Variants in ASIP observed in about 807,000 individuals in gnomAD.
ASIP encodes the protein agouti-signaling protein.
ASIP carries 11 observed loss-of-function variants against 10.3 expected under a neutral mutation model. The ratio of observed to expected loss-of-function variants is 1.07; its 90% CI spans 0.68 to 1.78. The LOEUF (loss-of-function observed/expected upper bound fraction) is 1.78, where lower values mean the gene tolerates loss of function less well. ASIP is among the 40% of genes most tolerant of loss of function. The probability of loss-of-function intolerance (pLI) is 0.00; values close to 1 mark genes in which losing one functional copy is unlikely to be tolerated. For synonymous variants in ASIP, 70 were observed against 70.8 expected, an observed-to-expected ratio of 0.99 and a Z score of 0.06; for missense variants, 180 against 169.2, an observed-to-expected ratio of 1.06 and a Z score of -0.35.
At chr20:34,241,630 G>C in intron 1 of ASIP, 141 bp downstream of exon 1, 1 of 689,966 alleles carries the variant, frequency 1.4e-6, no homozygotes, top group African/African-American at 1.9e-5. Flanking sequence ...GGTCAGAGTA[G>C]TTAAGAGGAG....
upstream of ASIP, among the ~76,000 whole-genome samples, chr20:34,189,681 G>A (rs1361614061): frequency 6.6e-6 from 1 of 152,228 alleles, no homozygotes; most frequent in African/African-American, 2.4e-5. Context: ...GAGGAAGTAC[G>A]TTCAGAGTAG....
intron 1 of ASIP, among the ~76,000 whole-genome samples, chr20:34,200,969 T>TTTCTTTCCTTCC (rs1568744348): frequency 6.6e-4 from 48 of 72,950 alleles, no homozygotes; most frequent in African/African-American, 1.0e-3. Context: ...TCTTTCTTTC[T>TTTCTTTCCTTCC]TTCCTTCCTT....
chr20:34,216,673 C>A (rs2035011138), intron 1 of ASIP, among the ~76,000 whole-genome samples: 1 of 152,154 alleles, frequency 6.6e-6, no homozygotes, highest in Non-Finnish European at 1.5e-5. Flanking sequence ...ATCTGTTAAA[C>A]AGGCATTCCT....
At chr20:34,244,695 A>C (rs2035340566) in intron 1 of ASIP, among the ~76,000 whole-genome samples, 1 of 152,192 alleles carries the variant, frequency 6.6e-6, no homozygotes, top group South Asian at 2.1e-4. Flanking sequence ...ATGTCTTCTA[A>C]TGTCAAAGAA....
chr20:34,237,583 A>G (rs2035227022), upstream of ASIP, among the ~76,000 whole-genome samples: 1 of 152,246 alleles, frequency 6.6e-6, no homozygotes, highest in Non-Finnish European at 1.5e-5. Flanking sequence ...ATTTAAGATC[A>G]TATTATCTGT....
chr20:34,194,595 A>G (rs1167147654), exon 1 of ASIP: 2 of 152,010 alleles, frequency 1.3e-5, no homozygotes, highest in African/African-American at 2.4e-5. Flanking sequence ...CGCCTGGAAG[A>G]AATTTTGCAG....
intron 1 of ASIP, among the ~76,000 whole-genome samples, chr20:34,222,229 C>T (rs1162773087): frequency 6.6e-6 from 1 of 151,570 alleles, no homozygotes; most frequent in Non-Finnish European, 1.5e-5. Context: ...GCTCATAGAA[C>T]CTAAAAGAAT....
chr20:34,187,090 C>G, the ASIP span, among the ~76,000 whole-genome samples: 8 of 152,136 alleles, frequency 5.3e-5, no homozygotes, highest in African/African-American at 1.9e-4. Context: ...TTATGTTTAA[C>G]TTGGGTTGAA....
At chr20:34,235,539 C>G (rs2035169028) in intron 1 of ASIP, among the ~76,000 whole-genome samples, 1 of 152,046 alleles carries the variant, frequency 6.6e-6, no homozygotes, top group Admixed American at 6.6e-5. Context: ...TTCTAATGAC[C>G]TAGATTGAAG....
At chr20:34,196,173 C>CTTTTTTTTTTTTTTTTTTT (rs34524786) in intron 1 of ASIP, among the ~76,000 whole-genome samples, 1 of 83,706 alleles carries the variant, frequency 1.2e-5, no homozygotes, top group Non-Finnish European at 2.2e-5. Flanking sequence ...AGGGAGATTT[C>CTTTTTTTTTTTTTTTTTTT]TTTTTTTTTT....
intron 1 of ASIP, among the ~76,000 whole-genome samples, chr20:34,255,108 GC>G (rs1164295972): frequency 6.6e-6 from 1 of 152,126 alleles, no homozygotes; most frequent in African/African-American, 2.4e-5. Flanking sequence ...GGTGAACTGA[GC>G]TTGTACCTAC....
chr20:34,248,713 T>C (rs970042489), intron 1 of ASIP, among the ~76,000 whole-genome samples: 7 of 151,928 alleles, frequency 4.6e-5, no homozygotes, highest in African/African-American at 9.7e-5. Context: ...TGTGGGAGGA[T>C]TGCTTGAGCC....
At chr20:34,219,668 AG>A (rs1376923793) in intron 1 of ASIP, among the ~76,000 whole-genome samples, 1 of 152,280 alleles carries the variant, frequency 6.6e-6, no homozygotes, top group Non-Finnish European at 1.5e-5. Flanking sequence ...CTCAGTTACT[AG>A]GTTTTGCTGG....
chr20:34,216,521 T>C (rs1363998825), intron 1 of ASIP, among the ~76,000 whole-genome samples: 2 of 152,380 alleles, frequency 1.3e-5, no homozygotes, highest in East Asian at 3.9e-4. Flanking sequence ...GTTTACTCCA[T>C]AGTCACAAAG....
At chr20:34,238,882 C>G (rs959745941), upstream of ASIP, among the ~76,000 whole-genome samples, 1 of 152,166 alleles carries the variant, frequency 6.6e-6, no homozygotes, top group Non-Finnish European at 1.5e-5. Context: ...GCCAAGGACA[C>G]TTTGCCATCC....
chr20:34,215,910 G>A (rs1358067977), intron 1 of ASIP: 2 of 872,278 alleles, frequency 2.3e-6, no homozygotes, highest in African/African-American at 3.3e-5. Flanking sequence ...GCTATACTTG[G>A]AGTTTTCTGG....
chr20:34,189,269 T>C, the ASIP span, among the ~76,000 whole-genome samples: 1 of 150,528 alleles, frequency 6.6e-6, no homozygotes, highest in Non-Finnish European at 1.5e-5. Flanking sequence ...TGAGATGGAG[T>C]TTTGCTCTTG....
chr20:34,239,602 T>G (rs2035258118), upstream of ASIP, among the ~76,000 whole-genome samples: 1 of 152,190 alleles, frequency 6.6e-6, no homozygotes, highest in Non-Finnish European at 1.5e-5. Flanking sequence ...TGGATCCTCT[T>G]TTCAGCCCAG....
Position 34,241,479 on chromosome 20 carries a change from C to A in ASIP, c.-21C>A. The A allele has an allele frequency of 5.1e-6, 5 of 985,416 alleles. No homozygotes were observed. The highest frequency in any genetic ancestry group is 6.0e-6 in the Non-Finnish European group (5 of 829,932). The allele number at this position is 985,416 out of a possible 1,614,324, so 61.0% of individuals were successfully genotyped here. A position where few individuals can be genotyped will look rare whatever the true frequency, so the allele number is the denominator to read the frequency against. ...GAAGTTCCTTGGCCTGGGCTCTTTG[C>A]GGGAAAGCATGTGAGTTTAGATGGC... is the stretch of plus-strand genomic sequence containing the variant. On this transcript the variant is annotated 5_prime_UTR_variant, in exon 1 of 4. Transcript: ENST00000374954.
Sources: allele counts gnomAD v4.1 joint callset (sites outside exome capture counted in the v4.1 genomes callset), GRCh38; gene constraint gnomAD v4.1.1; transcripts MANE v1.5; gene names NCBI Gene and HGNC (gene_info 2026-07-23, HGNC 2026-07-21).